Variants in GRK4 observed in about 807,000 individuals in gnomAD.
GRK4 encodes G protein-coupled receptor kinase 4.
A neutral mutation model predicts 77.9 loss-of-function variants in GRK4; 73 were observed. The observed-to-expected ratio is 0.94, with a 90% CI of 0.78 to 1.14. The LOEUF (loss-of-function observed/expected upper bound fraction) is 1.14. Ranked by LOEUF, GRK4 falls within the 50% of genes most tolerant of loss-of-function variation. The pLI, the probability that GRK4 is intolerant of heterozygous loss-of-function variation, is 0.00. For synonymous variants in GRK4, 257 were observed against 254.4 expected (o/e 1.01, Z -0.10); for missense variants, 729 against 700.2 (o/e 1.04, Z -0.46).
Position 2,988,075 on chromosome 4 carries a change from C to CAAAA in GRK4, c.149-631_149-628dup, listed in dbSNP as rs67664476. On this transcript the variant is annotated intron_variant, in intron 2 of 15. Transcript: ENST00000398052. The stretch of plus-strand genomic sequence containing the variant: ...TGGATGACAGAGTGAGGCTCTGTCT[C>CAAAA]AAAAAAAAAAAAAAAAAAAAAAAAG... Among the ~76,000 whole-genome samples the CAAAA allele has an allele frequency of 6.5e-3, 219 of 33,578 alleles. 13 individuals carry two copies. Among genetic ancestry groups the CAAAA allele is most frequent in the African/African-American group, 0.012 (101 of 8,666 alleles). The allele number at this position is 33,578 out of a possible 152,430, so 22.0% of individuals were successfully genotyped here.
At chr4:2,997,499 G>A (rs1365149859) in intron 4 of GRK4, among the ~76,000 whole-genome samples, 4 of 152,106 alleles carry the variant, frequency 2.6e-5, no homozygotes, top group African/African-American at 9.7e-5. Context: ...AGCTTTGAGG[G>A]GAAGGGACCA....
chr4:3,040,748 C>G lies in GRK4; in HGVS notation c.*123C>G, dbSNP rs112034218. 45 of 539,506 alleles carry G rather than the reference C, an allele frequency of 8.3e-5. 2 individuals are homozygous for G. The highest frequency in any genetic ancestry group is 8.3e-4 in the African/African-American group (29 of 35,118). The allele number at this position is 539,506 out of a possible 1,614,324, so 33.4% of individuals were successfully genotyped here. A position where few individuals can be genotyped will look rare whatever the true frequency, so the allele number is the denominator to read the frequency against. Reference sequence around the variant, plus strand: ...AAACATGCCTTGGGAGTGTACAGACCTTTCTGCACTAATACCTGAGTTGTC... The same window carrying G: ...AAACATGCCTTGGGAGTGTACAGACGTTTCTGCACTAATACCTGAGTTGTC... On this transcript the variant is annotated 3_prime_UTR_variant, in exon 16 of 16. Transcript: ENST00000398052.
chr4:2,987,274 C>G (rs1318709226), intron 2 of GRK4: 2 of 348,182 alleles, frequency 5.7e-6, no homozygotes, highest in Non-Finnish European at 5.7e-6. Flanking sequence ...GTACTTCATC[C>G]TTTTTTGTTG....
intron 8 of GRK4, among the ~76,000 whole-genome samples, chr4:3,015,155 T>C (rs555261687): frequency 6.6e-6 from 1 of 152,286 alleles, no homozygotes; most frequent in South Asian, 2.1e-4. Flanking sequence ...GTGCATTGTA[T>C]AGTGTGGTTC....
At chr4:2,984,639 TG>T in intron 2 of GRK4, 31 bp downstream of exon 2, 1 of 1,189,760 alleles carries the variant, frequency 8.4e-7, no homozygotes, top group South Asian at 1.4e-5. Context: ...AATGCTTGGA[TG>T]GTACATCTGG....
At chr4:3,037,916 C>T (rs61791227) in intron 14 of GRK4, among the ~76,000 whole-genome samples, 13 of 144,120 alleles carry the variant, frequency 9.0e-5, no homozygotes, top group East Asian at 7.8e-4. Flanking sequence ...CTTCGTCTCA[C>T]CCAAAAAAAA....
In GRK4 at chr4:3,038,686, C is replaced by T. The variant is rs909166215; in HGVS notation, c.1683+173C>T. The T allele has an allele frequency of 8.1e-6, 5 of 617,980 alleles. No individual in the cohort carries two copies. In the African/African-American group the frequency reaches 9.2e-5, roughly 11 times the overall value. The allele number at this position is 617,980 out of a possible 1,614,324, so 38.3% of individuals were successfully genotyped here. A position where few individuals can be genotyped will look rare whatever the true frequency, so the allele number is the denominator to read the frequency against. ...TGGAGGCCAGCCAGAACAATGAGAA[C>T]ACCCTCGCAGTGAGGTTTGTTGCTG... On this transcript the variant is annotated intron_variant, in intron 15 of 15. Coordinates refer to ENST00000398052, the MANE Select transcript of GRK4 (RefSeq NM_182982.3).
In GRK4 at chr4:3,007,810, A is replaced by C; in HGVS notation, c.518A>C (p.Gln173Pro). 6.2e-7 allele frequency: 1 copy of C among 1,611,502 alleles called. No homozygotes were observed. Reference protein sequence around the residue: ...QESSYFSQFLQWKWLERQPVT... With the variant: ...QESSYFSQFLPWKWLERQPVT... ...AGCTCATATTTTTCTCAGTTTTTACAATGGAAATGGCTGGAAAGGTATGTA... is the reference window on the plus strand; with the variant it reads ...AGCTCATATTTTTCTCAGTTTTTACCATGGAAATGGCTGGAAAGGTATGTA... The change falls in exon 6 of 16, where the codon CAA (glutamine) becomes CCA (proline). Residue 173 changes from glutamine (Q) to proline (P), a missense_variant. Physicochemically the swap from Gln to Pro is moderately conservative, Grantham distance 76. Coordinates refer to ENST00000398052, the MANE Select transcript of GRK4 (RefSeq NM_182982.3).
At chr4:3,005,676 C>T (rs895692309) in intron 5 of GRK4, among the ~76,000 whole-genome samples, 4 of 151,982 alleles carry the variant, frequency 2.6e-5, no homozygotes, top group Non-Finnish European at 5.9e-5. Flanking sequence ...TGGGGGTGTG[C>T]GCCTGTAATC....
intron 3 of GRK4, among the ~76,000 whole-genome samples, chr4:2,990,885 C>T (rs1210347736): frequency 6.6e-6 from 1 of 152,048 alleles, no homozygotes; most frequent in East Asian, 1.9e-4. Flanking sequence ...GCCATTTTGT[C>T]ACACTTACTG....
At chr4:2,981,393 A>G (rs980651283) in intron 1 of GRK4, among the ~76,000 whole-genome samples, 1 of 152,216 alleles carries the variant, frequency 6.6e-6, no homozygotes, top group Admixed American at 6.5e-5. Flanking sequence ...ATTGAGTGAC[A>G]GTACAGCTCT....
At chr4:2,985,733 T>C in intron 2 of GRK4, 1 of 326,804 alleles carries the variant, frequency 3.1e-6, no homozygotes, top group Non-Finnish European at 6.0e-6. Context: ...GTGTGGTGGC[T>C]CACGCCCGTA....
rs754635000 is a variant in GRK4 at position 3,038,372 on chromosome 4, G to T, written c.1546-4G>T. The T allele has an allele frequency of 6.2e-7, 1 of 1,614,156 alleles. No individual in the cohort carries two copies. The highest frequency in any genetic ancestry group is 8.5e-7 in the Non-Finnish European group (1 of 1,180,006). ...TTCTCTGTCCTGTTATTCTGTGCAT[G>T]CAGATGATCGAATCTGGGTGTTTCA... On this transcript the variant is annotated splice_polypyrimidine_tract_variant and splice_region_variant and intron_variant, in intron 14 of 15. Coordinates refer to ENST00000398052, the MANE Select transcript of GRK4 (RefSeq NM_182982.3).
chr4:3,024,860 A>C (rs1166979402), intron 10 of GRK4, among the ~76,000 whole-genome samples: 3 of 152,158 alleles, frequency 2.0e-5, no homozygotes, highest in Non-Finnish European at 4.4e-5. Context: ...TCCGTCTCAA[A>C]AAACAAACAA....
intron 4 of GRK4, among the ~76,000 whole-genome samples, chr4:3,002,764 TAGG>T (rs540279970): frequency 2.5e-3 from 374 of 151,936 alleles, no homozygotes; most frequent in African/African-American, 8.7e-3. Context: ...GAGGTGGAGG[TAGG>T]AGGATTGCAT....
intron 8 of GRK4, among the ~76,000 whole-genome samples, chr4:3,015,019 G>A (rs570573129): frequency 8.5e-5 from 13 of 152,194 alleles, no homozygotes; most frequent in South Asian, 4.1e-4. Flanking sequence ...GAAGTTTACC[G>A]CTAGGCCCTC....
intron 10 of GRK4, 69 bp downstream of exon 10, chr4:3,022,520 A>G: frequency 1.4e-6 from 2 of 1,401,582 alleles, no homozygotes; most frequent in Non-Finnish European, 2.0e-6. Context: ...AGAAAGTTGG[A>G]TGCAGAAAGT....
intron 8 of GRK4, among the ~76,000 whole-genome samples, chr4:3,018,023 G>T (rs928669477): frequency 2.0e-5 from 3 of 149,446 alleles, no homozygotes; most frequent in Non-Finnish European, 4.4e-5. Flanking sequence ...GAGAAAAGAA[G>T]AAAAAAGGTT....
chr4:2,974,226 A>G (rs1171228081), intron 1 of GRK4, among the ~76,000 whole-genome samples: 1 of 152,110 alleles, frequency 6.6e-6, no homozygotes, highest in African/African-American at 2.4e-5. Flanking sequence ...TTTTACTTGT[A>G]CTTTGTTCGT....
Sources: gnomAD v4.1 joint callset for allele counts (sites outside exome capture counted in the v4.1 genomes callset) on GRCh38, gnomAD v4.1.1 for gene constraint, MANE v1.5 for transcripts, NCBI Gene and HGNC (gene_info 2026-07-23, HGNC 2026-07-21) for gene names.